Variants in PDSS2 observed in about 807,000 individuals in gnomAD.
PDSS2 encodes the protein decaprenyl diphosphate synthase subunit 2, also known as all trans-polyprenyl-diphosphate synthase PDSS2.
Under a neutral mutation model 44.5 loss-of-function variants are expected in PDSS2, and 31 were observed. The ratio of observed to expected loss-of-function variants is 0.70; its 90% CI spans 0.52 to 0.94. The LOEUF is 0.94. Ranked by LOEUF, PDSS2 falls within the 40% of genes least tolerant of loss-of-function variation. The pLI, the probability that PDSS2 is intolerant of heterozygous loss-of-function variation, is 0.00. For synonymous variants in PDSS2, 157 were observed against 180.3 expected (o/e 0.87, Z 1.03); for missense variants, 452 against 482.2 (o/e 0.94, Z 0.59).
At chr6:107,425,627 GA>G (rs1780974775) in intron 1 of PDSS2, among the ~76,000 whole-genome samples, 1 of 152,176 alleles carries the variant, frequency 6.6e-6, no homozygotes, top group Non-Finnish European at 1.5e-5. Context: ...TTTTAAAAGG[GA>G]AACTGGGCAT....
intron 1 of PDSS2, among the ~76,000 whole-genome samples, chr6:107,388,590 G>GGGACTACAGGAGTAGC (rs1779684925): frequency 1.3e-5 from 2 of 151,900 alleles, no homozygotes; most frequent in Non-Finnish European, 2.9e-5. Context: ...ACAGGAGTAG[G>GGGACTACAGGAGTAGC]TGGGACTACA....
At chr6:107,176,293 C>T (rs907572108) in intron 7 of PDSS2, among the ~76,000 whole-genome samples, 3 of 152,038 alleles carry the variant, frequency 2.0e-5, no homozygotes, top group African/African-American at 7.3e-5. Context: ...CTGCCGGCCT[C>T]AGTCTTCCAA....
intron 1 of PDSS2, among the ~76,000 whole-genome samples, chr6:107,411,331 A>G (rs1194214014): frequency 6.6e-6 from 1 of 152,222 alleles, no homozygotes; most frequent in African/African-American, 2.4e-5. Context: ...ACATGGTTAG[A>G]TTCTGCACTC....
chr6:107,336,243 G>A (rs919299195), intron 1 of PDSS2, among the ~76,000 whole-genome samples: 1 of 144,248 alleles, frequency 6.9e-6, no homozygotes, highest in Non-Finnish European at 1.5e-5. Context: ...GTGACAGAGC[G>A]AGATTCCGTC....
intron 6 of PDSS2, among the ~76,000 whole-genome samples, chr6:107,194,727 G>A (rs1404309030): frequency 3.9e-5 from 6 of 152,118 alleles, no homozygotes; most frequent in Admixed American, 2.6e-4. Context: ...CAAGGCAGGC[G>A]GATCACCTGA....
chr6:107,283,309 G>C (rs981723845), intron 2 of PDSS2, among the ~76,000 whole-genome samples: 3 of 145,846 alleles, frequency 2.1e-5, no homozygotes, highest in Non-Finnish European at 4.6e-5. Flanking sequence ...CTGGGCGACA[G>C]AGTGAGACCC....
intron 1 of PDSS2, among the ~76,000 whole-genome samples, chr6:107,351,196 C>A (rs1359412801): frequency 3.3e-5 from 5 of 152,194 alleles, no homozygotes; most frequent in Admixed American, 3.3e-4. Flanking sequence ...CTGAGCACAT[C>A]TGTCCAAAAG....
chr6:107,395,073 G>A (rs929708842), intron 1 of PDSS2, among the ~76,000 whole-genome samples: 2 of 151,728 alleles, frequency 1.3e-5, no homozygotes, highest in African/African-American at 4.8e-5. Context: ...AGTAATCTAG[G>A]TTGACAGCTT....
intron 3 of PDSS2, among the ~76,000 whole-genome samples, chr6:107,261,880 G>A (rs1311462062): frequency 7.5e-6 from 1 of 133,448 alleles, no homozygotes. Flanking sequence ...TGCCTGGCCC[G>A]TCTCAGGTAT....
chr6:107,322,726 T>A (rs1777420353), intron 2 of PDSS2, among the ~76,000 whole-genome samples: 1 of 151,670 alleles, frequency 6.6e-6, no homozygotes, highest in Admixed American at 6.6e-5. Flanking sequence ...GCACCTGTAG[T>A]CTCAGCTACT....
chr6:107,338,524 T>C (rs1388118675), intron 1 of PDSS2, among the ~76,000 whole-genome samples: 1 of 152,182 alleles, frequency 6.6e-6, no homozygotes, highest in Non-Finnish European at 1.5e-5. Flanking sequence ...AGTCTGGATT[T>C]AAAAATCACA....
intron 1 of PDSS2, among the ~76,000 whole-genome samples, chr6:107,442,724 A>G (rs367586337): frequency 6.6e-6 from 1 of 152,160 alleles, no homozygotes; most frequent in African/African-American, 2.4e-5. Context: ...AACATACTCA[A>G]TTGCTCAGCT....
chr6:107,161,873 G>A (rs1771146439), intron 7 of PDSS2, among the ~76,000 whole-genome samples: 1 of 152,142 alleles, frequency 6.6e-6, no homozygotes, highest in South Asian at 2.1e-4. Context: ...CTATATGTGT[G>A]TCTGTGTGTG....
At chr6:107,314,416 A>C (rs1485045186) in intron 2 of PDSS2, among the ~76,000 whole-genome samples, 6 of 152,138 alleles carry the variant, frequency 3.9e-5, no homozygotes, top group African/African-American at 1.2e-4. Flanking sequence ...CTTTAATTAC[A>C]GTTTCCCATA....
chr6:107,282,376 G>A (rs911911791), intron 2 of PDSS2, among the ~76,000 whole-genome samples: 3 of 151,932 alleles, frequency 2.0e-5, no homozygotes, highest in Admixed American at 6.6e-5. Flanking sequence ...TACTTCACAG[G>A]AGCCATGTCA....
chr6:107,258,399 T>C (rs954899686), intron 3 of PDSS2, among the ~76,000 whole-genome samples: 2 of 150,960 alleles, frequency 1.3e-5, no homozygotes, highest in African/African-American at 4.9e-5. Flanking sequence ...TTTGGAACCA[T>C]AGAATATTGG....
intron 1 of PDSS2, among the ~76,000 whole-genome samples, chr6:107,449,224 A>G (rs1343163211): frequency 6.6e-6 from 1 of 152,230 alleles, no homozygotes; most frequent in Non-Finnish European, 1.5e-5. Context: ...GTCATTTTGA[A>G]AATGATATAA....
rs1770750368 is a variant in PDSS2, at chr6:107,152,602, C to A, written c.*2017G>T. 1 of 151,178 alleles carries A rather than the reference C, an allele frequency of 6.6e-6. No individual in the cohort carries two copies. Among genetic ancestry groups the A allele is most frequent in the Non-Finnish European group, 1.5e-5 (1 of 67,810 alleles). The allele number at this position is 151,178 out of a possible 1,614,324, so 9.4% of individuals were successfully genotyped here. On this transcript the variant is annotated 3_prime_UTR_variant, in exon 8 of 8. Transcript: ENST00000369037. The stretch of plus-strand genomic sequence containing the variant: ...GTTTAATCTCTTTTTTTTTTTCACA[C>A]TTGACTTTCAGGTCAACTTTTGAAT...
rs766225241 is a variant in PDSS2 at position 107,294,326 on chromosome 6, G to C, written c.432-20099C>G. 3.9e-4 allele frequency among the ~76,000 whole-genome samples: 60 copies of C among 152,014 alleles called. 1 individual carries two copies. The highest frequency in any genetic ancestry group is 5.2e-4 in the Admixed American group (8 of 15,264). On this transcript the variant is annotated intron_variant, in intron 2 of 7. Transcript: ENST00000369037. ...TCAACCTAGGTATCTAGAGACACAAGAACAAATCCTAAATGTCCCCCCAAA... is the reference window on the plus strand; with the variant it reads ...TCAACCTAGGTATCTAGAGACACAACAACAAATCCTAAATGTCCCCCCAAA...
Sources: gnomAD v4.1 joint callset for allele counts (sites outside exome capture counted in the v4.1 genomes callset) on GRCh38, gnomAD v4.1.1 for gene constraint, MANE v1.5 for transcripts, NCBI Gene and HGNC (gene_info 2026-07-23, HGNC 2026-07-21) for gene names.